Variants in TRAPPC3L observed in about 807,000 individuals in gnomAD.
TRAPPC3L encodes the protein trafficking protein particle complex subunit 3-like protein.
TRAPPC3L carries 23 observed loss-of-function variants against 23.7 expected under a neutral mutation model. That is an observed-to-expected ratio of 0.97 (90% CI 0.70 to 1.37). The LOEUF (loss-of-function observed/expected upper bound fraction) is 1.37, where lower values mean the gene tolerates loss of function less well. Among genes scored for constraint, TRAPPC3L ranks in the 40% most tolerant of loss-of-function variants. The probability of loss-of-function intolerance (pLI) is 0.00; values close to 1 mark genes in which losing one functional copy is unlikely to be tolerated. For synonymous variants in TRAPPC3L, 81 were observed against 77.9 expected (o/e 1.04, Z -0.21); for missense variants, 212 against 216.8 (o/e 0.98, Z 0.14).
rs1180605733 is a variant in TRAPPC3L, at chr6:116,543,252, G to A, written c.140+51C>T. 3 of 1,358,718 alleles carry A rather than the reference G, an allele frequency of 2.2e-6. No individual in the cohort carries two copies. The East Asian group carries it at 7.7e-5, about 35-fold the overall frequency. The allele number at this position is 1,358,718 out of a possible 1,614,324, so 84.2% of individuals were successfully genotyped here. ...GTCATTAGAGGCAGAAAGAATGCAG[G>A]TGATGTAAGAAACAACAGCCATTCA... On this transcript the variant is annotated intron_variant, in intron 2 of 4. Transcript: ENST00000368602.
At chr6:116,520,290 A>C (rs1772307538) in intron 3 of TRAPPC3L, 2 of 152,244 alleles carry the variant, frequency 1.3e-5, no homozygotes, top group South Asian at 2.1e-4. Flanking sequence ...ACTATTAACT[A>C]TATTATTCTA....
chr6:116,544,944 C>CA (rs567902820), intron 1 of TRAPPC3L, among the ~76,000 whole-genome samples: 1 of 151,442 alleles, frequency 6.6e-6, no homozygotes, highest in Non-Finnish European at 1.5e-5. Context: ...AACTAATCTG[C>CA]AAAAAAATAA....
intron 2 of TRAPPC3L, 125 bp from the exon 3 acceptor site, chr6:116,540,587 C>A: frequency 1.1e-6 from 1 of 918,494 alleles, no homozygotes; most frequent in South Asian, 1.6e-5. Context: ...CCAAATATGA[C>A]GAGTCAAATG....
chr6:116,498,947 C>T (rs141731373), intron 4 of TRAPPC3L, among the ~76,000 whole-genome samples: 1 of 152,134 alleles, frequency 6.6e-6, no homozygotes, highest in Non-Finnish European at 1.5e-5. Flanking sequence ...CCTAGGCATT[C>T]TTTTCCTATT....
At chr6:116,532,704 C>G (rs1203525255) in intron 3 of TRAPPC3L, among the ~76,000 whole-genome samples, 1 of 152,162 alleles carries the variant, frequency 6.6e-6, no homozygotes, top group Admixed American at 6.5e-5. Context: ...ACAAAATAAG[C>G]TGGTCAACAG....
At chr6:116,512,227 C>T (rs1772137339) in intron 3 of TRAPPC3L, 7 of 1,596,308 alleles carry the variant, frequency 4.4e-6, no homozygotes, top group Non-Finnish European at 6.0e-6. Context: ...CCCTTCAGGC[C>T]CAGTCTCAGG....
chr6:116,504,819 C>T (rs1771975715), intron 3 of TRAPPC3L, among the ~76,000 whole-genome samples: 1 of 152,106 alleles, frequency 6.6e-6, no homozygotes, highest in Non-Finnish European at 1.5e-5. Flanking sequence ...ATTCAACAGC[C>T]CTTCATGCTA....
At chr6:116,501,163 G>A (rs996294381) in intron 3 of TRAPPC3L, among the ~76,000 whole-genome samples, 15 of 152,300 alleles carry the variant, frequency 9.8e-5, no homozygotes, top group Non-Finnish European at 1.6e-4. Context: ...CACAGTCTTC[G>A]CATCTGCAGG....
chr6:116,540,583 A>G lies in TRAPPC3L; in HGVS notation c.141-121T>C, dbSNP rs1773388324. The G allele has an allele frequency of 6.3e-6, 6 of 948,872 alleles. No individual in the cohort carries two copies. In the Admixed American group the frequency reaches 1.4e-4, roughly 23 times the overall value. The allele number at this position is 948,872 out of a possible 1,614,324, so 58.8% of individuals were successfully genotyped here. A position where few individuals can be genotyped will look rare whatever the true frequency, so the allele number is the denominator to read the frequency against. On this transcript the variant is annotated intron_variant, in intron 2 of 4. Coordinates refer to ENST00000368602, the MANE Select transcript of TRAPPC3L (RefSeq NM_001139444.3). ...AAGTGAATCACAAATCAAACCAAAT[A>G]TGACGAGTCAAATGGCTTTTGGCTG...
chr6:116,543,885 T>C (rs1277483322), intron 1 of TRAPPC3L: 2 of 1,524,870 alleles, frequency 1.3e-6, no homozygotes, highest in Non-Finnish European at 1.8e-6. Context: ...GAGTTTCTTT[T>C]CTTTTTACTT....
chr6:116,527,440 G>C (rs891914680), intron 3 of TRAPPC3L, among the ~76,000 whole-genome samples: 1 of 151,660 alleles, frequency 6.6e-6, no homozygotes, highest in African/African-American at 2.4e-5. Flanking sequence ...GCGTGAACCG[G>C]GGAGGCGGAG....
chr6:116,515,629 G>A (rs755491538), intron 3 of TRAPPC3L: 45 of 1,612,956 alleles, frequency 2.8e-5, no homozygotes, highest in Admixed American at 3.3e-5. Context: ...TTTGTTCAGC[G>A]TCTTTCTTCT....
chr6:116,508,160 C>T (rs9400929), intron 3 of TRAPPC3L, among the ~76,000 whole-genome samples: 62,707 of 152,056 alleles, frequency 0.41, 13,780 homozygotes, highest in East Asian at 0.56. Flanking sequence ...CTAGGAGATT[C>T]CTTATTCATT....
chr6:116,511,572 T>C (rs1772118722), intron 3 of TRAPPC3L: 2 of 820,350 alleles, frequency 2.4e-6, no homozygotes, highest in South Asian at 1.7e-5. Context: ...TGTTTCCTTA[T>C]CTGGCTCAAT....
chr6:116,501,386 C>T (rs760337694), intron 3 of TRAPPC3L, among the ~76,000 whole-genome samples: 12 of 152,178 alleles, frequency 7.9e-5, no homozygotes, highest in South Asian at 2.1e-4. Context: ...TGGAGCCCAC[C>T]GCAGCACAGC....
chr6:116,528,139 C>T (rs1289911028), intron 3 of TRAPPC3L, among the ~76,000 whole-genome samples: 1 of 152,108 alleles, frequency 6.6e-6, no homozygotes, highest in East Asian at 1.9e-4. Flanking sequence ...AAGAATCAAC[C>T]CCTAAGAGAT....
At chr6:116,545,399 TA>T in intron 1 of TRAPPC3L, 73 bp downstream of exon 1, 1 of 1,361,678 alleles carries the variant, frequency 7.3e-7, no homozygotes, top group Non-Finnish European at 1.0e-6. Flanking sequence ...CATCAGTTTT[TA>T]AAATCAATCA....
intron 3 of TRAPPC3L, chr6:116,519,679 C>T (rs1192019655): frequency 1.3e-5 from 2 of 152,162 alleles, no homozygotes; most frequent in Non-Finnish European, 2.9e-5. Flanking sequence ...TTCTCCCTAC[C>T]ACCACTACCC....
intron 3 of TRAPPC3L, chr6:116,511,915 G>A: frequency 6.2e-7 from 1 of 1,614,010 alleles, no homozygotes; most frequent in Non-Finnish European, 8.5e-7. Flanking sequence ...ACAATAGGTC[G>A]TGGAGACTCT....
Sources: gnomAD v4.1 joint callset for allele counts (sites outside exome capture counted in the v4.1 genomes callset) on GRCh38, gnomAD v4.1.1 for gene constraint, MANE v1.5 for transcripts, NCBI Gene and HGNC (gene_info 2026-07-23, HGNC 2026-07-21) for gene names.